HSD11B1: variants seen among roughly 807,000 people sequenced by gnomAD.
The protein encoded by HSD11B1 is hydroxysteroid 11-beta dehydrogenase 1.
A neutral mutation model predicts 22.1 loss-of-function variants in HSD11B1; 15 were observed. That is an observed-to-expected ratio of 0.68 (90% confidence interval 0.45 to 1.04). The LOEUF is 1.04. HSD11B1 is among the 50% of genes least tolerant of loss of function. HSD11B1 has a pLI of 0.00. For synonymous variants in HSD11B1, 122 were observed against 125.2 expected (o/e 0.97, Z 0.17); for missense variants, 281 against 357.6 (o/e 0.79, Z 1.73).
At position 209,687,184 on chromosome 1, in the gene HSD11B1, A is replaced by G. The variant is rs528737600; in HGVS notation, c.-49+899A>G. Among the ~76,000 whole-genome samples the G allele has an allele frequency of 2.6e-5, 4 of 152,352 alleles. No individual in the cohort carries two copies. The East Asian group carries it at 7.7e-4, about 29-fold the overall frequency. On this transcript the variant is annotated intron_variant, in intron 1 of 6. Transcript: ENST00000261465. Reference sequence around the variant, plus strand: ...CTTCAGAAAACATCTACAGACGACGATGATGTGTTTTCACAACAGTTGGCT... The same window carrying G: ...CTTCAGAAAACATCTACAGACGACGGTGATGTGTTTTCACAACAGTTGGCT...
At position 209,732,512 on chromosome 1, in the gene HSD11B1, A is replaced by G. The variant is rs779737879; in HGVS notation, c.594A>G (p.Arg198=). 6.2e-7 allele frequency: 1 copy of G among 1,614,030 alleles called. No individual in the cohort carries two copies. The highest frequency in any genetic ancestry group is 1.1e-5 in the South Asian group (1 of 91,078). The part of the protein sequence containing the change: ...FALDGFFSSI[R]KEYSVSRVNV... ...TGGATGGGTTCTTCTCCTCCATCAG[A>G]AAGGAATATTCAGTGTCCAGGGTCA... Residue 198 remains arginine, a synonymous_variant, in exon 5 of 6, where the codon AGA becomes AGG. Coordinates refer to ENST00000367027, the MANE Select transcript of HSD11B1 (RefSeq NM_005525.4).
intron 1 of HSD11B1, among the ~76,000 whole-genome samples, chr1:209,686,500 T>C (rs914797582): frequency 1.3e-5 from 2 of 152,190 alleles, no homozygotes; most frequent in African/African-American, 4.8e-5. Flanking sequence ...GGAGGGATGA[T>C]ATGATAAGAT....
At chr1:209,717,400 C>T (rs2076936657) in intron 4 of HSD11B1, among the ~76,000 whole-genome samples, 1 of 152,104 alleles carries the variant, frequency 6.6e-6, no homozygotes, top group African/African-American at 2.4e-5. Context: ...CAAAACATAG[C>T]AGATACTATT....
chr1:209,731,886 T>C (rs1558200926), intron 4 of HSD11B1, among the ~76,000 whole-genome samples: 1 of 152,188 alleles, frequency 6.6e-6, no homozygotes, highest in East Asian at 1.9e-4. Flanking sequence ...TTTGTATTTT[T>C]AGTAGAGATG....
chr1:209,718,709 G>C (rs1177887717), intron 4 of HSD11B1, among the ~76,000 whole-genome samples: 1 of 152,110 alleles, frequency 6.6e-6, no homozygotes, highest in Non-Finnish European at 1.5e-5. Context: ...ATGTGATCCA[G>C]CCATTCTATT....
intron 4 of HSD11B1, among the ~76,000 whole-genome samples, chr1:209,713,470 G>C (rs929535303): frequency 2.6e-5 from 4 of 151,962 alleles, no homozygotes; most frequent in African/African-American, 9.7e-5. Context: ...CCATTGCTTT[G>C]TGCCTCTTTT....
At chr1:209,711,238 A>C (rs1234008219) in intron 4 of HSD11B1, among the ~76,000 whole-genome samples, 1 of 152,144 alleles carries the variant, frequency 6.6e-6, no homozygotes, top group Non-Finnish European at 1.5e-5. Context: ...GGATATACAG[A>C]TGTTAATGTC....
At chr1:209,730,148 G>T (rs901954284) in intron 4 of HSD11B1, among the ~76,000 whole-genome samples, 1 of 152,126 alleles carries the variant, frequency 6.6e-6, no homozygotes, top group African/African-American at 2.4e-5. Flanking sequence ...ACAAGAGAAA[G>T]AAATAAAGGG....
In HSD11B1 at chr1:209,707,205, A is replaced by T. The variant is rs186434053; in HGVS notation, c.517+77A>T. 1.0e-4 allele frequency: 127 copies of T among 1,232,796 alleles called. No individual in the cohort carries two copies. The Admixed American group carries it at 1.6e-3, about 15-fold the overall frequency. 76.4% of individuals were successfully genotyped at this position (1,232,796 alleles called of 1,614,324 possible). A position where few individuals can be genotyped will look rare whatever the true frequency, so the allele number is the denominator to read the frequency against. ...GGGATGATGCCAGGCTCTGAAGTAGACATAAATTTTTATCAGTTTCCATGC... is the reference window on the plus strand; with the variant it reads ...GGGATGATGCCAGGCTCTGAAGTAGTCATAAATTTTTATCAGTTTCCATGC... On this transcript the variant is annotated intron_variant, in intron 4 of 5. Transcript: ENST00000367027.
chr1:209,717,342 A>G lies in HSD11B1; in HGVS notation c.517+10214A>G, dbSNP rs570847535. Among the ~76,000 whole-genome samples the G allele has an allele frequency of 1.0e-3, 154 of 152,342 alleles. 1 individual carries two copies. Among genetic ancestry groups the G allele is most frequent in the African/African-American group, 3.6e-3 (148 of 41,582 alleles). On this transcript the variant is annotated intron_variant, in intron 4 of 5. Coordinates refer to ENST00000367027, the MANE Select transcript of HSD11B1 (RefSeq NM_005525.4). Reference sequence around the variant, plus strand: ...ACTAATCATTAAGAAAATGCAAATTAAAACTACTATGAGATATCATCTTAT... The same window carrying G: ...ACTAATCATTAAGAAAATGCAAATTGAAACTACTATGAGATATCATCTTAT...
Position 209,706,498 on chromosome 1 carries a change from C to T in HSD11B1, c.220-211C>T, listed in dbSNP as rs2076859744. Among the ~76,000 whole-genome samples, 1 of 152,166 alleles carries T rather than the reference C, an allele frequency of 6.6e-6. No individual in the cohort carries two copies. The highest frequency in any genetic ancestry group is 2.4e-5 in the African/African-American group (1 of 41,436). On this transcript the variant is annotated intron_variant, in intron 2 of 5. Coordinates refer to ENST00000367027, the MANE Select transcript of HSD11B1 (RefSeq NM_005525.4). This position sits in a 1 kb window ranked among gnomAD's most constrained non-coding sequence, Gnocchi z 4.0. Reference sequence around the variant, plus strand: ...AACCCCAGCACTGGGATGATTTATCCATTTGAACCCCACCAAGTTCCAGAA... The same window carrying T: ...AACCCCAGCACTGGGATGATTTATCTATTTGAACCCCACCAAGTTCCAGAA...
chr1:209,730,652 T>C (rs1192941064), intron 4 of HSD11B1, among the ~76,000 whole-genome samples: 1 of 152,194 alleles, frequency 6.6e-6, no homozygotes, highest in East Asian at 1.9e-4. Flanking sequence ...TCATTTTCCA[T>C]CTAGAATATT....
At chr1:209,714,727 A>T (rs1473531922) in intron 4 of HSD11B1, among the ~76,000 whole-genome samples, 6 of 152,188 alleles carry the variant, frequency 3.9e-5, no homozygotes, top group Non-Finnish European at 8.8e-5. Flanking sequence ...TTCAATCTAA[A>T]AGCCACTCAT....
chr1:209,734,743 T>G lies in HSD11B1; in HGVS notation c.*222T>G. The G allele has an allele frequency of 4.4e-6, 2 of 459,464 alleles. No individual in the cohort carries two copies. Among genetic ancestry groups the G allele is most frequent in the South Asian group, 5.1e-5 (2 of 39,512 alleles). The allele number at this position is 459,464 out of a possible 1,614,324, so 28.5% of individuals were successfully genotyped here. A position where few individuals can be genotyped will look rare whatever the true frequency, so the allele number is the denominator to read the frequency against. On this transcript the variant is annotated 3_prime_UTR_variant, in exon 6 of 6. Coordinates refer to ENST00000367027, the MANE Select transcript of HSD11B1 (RefSeq NM_005525.4). ...CTGCAGCCAGCAGTTGTAAAATTGT[T>G]AGTAAACATAGGTATAATTACCAGA...
At chr1:209,722,051 G>T (rs2076970234) in intron 4 of HSD11B1, among the ~76,000 whole-genome samples, 2 of 152,150 alleles carry the variant, frequency 1.3e-5, no homozygotes, top group Non-Finnish European at 2.9e-5. Context: ...GGTGATTTAG[G>T]CTAGGCACGG....
At chr1:209,726,089 T>C (rs2076999191) in intron 4 of HSD11B1, among the ~76,000 whole-genome samples, 1 of 152,040 alleles carries the variant, frequency 6.6e-6, no homozygotes, top group South Asian at 2.1e-4. Context: ...AAGACCATCC[T>C]GGCCAACACA....
chr1:209,700,937 A>G (rs1302788493), upstream of HSD11B1, among the ~76,000 whole-genome samples: 4 of 152,180 alleles, frequency 2.6e-5, no homozygotes, highest in Non-Finnish European at 4.4e-5. Flanking sequence ...TCTCTATCTG[A>G]GATTACCTCA....
intron 5 of HSD11B1, among the ~76,000 whole-genome samples, chr1:209,732,784 C>G (rs1419764017): frequency 6.6e-6 from 1 of 150,998 alleles, no homozygotes; most frequent in Non-Finnish European, 1.5e-5. Flanking sequence ...GTGATGTCCC[C>G]CTTCCTGTGT....
intron 1 of HSD11B1, among the ~76,000 whole-genome samples, chr1:209,692,075 TAA>T (rs79594859): frequency 2.6e-4 from 35 of 137,092 alleles, no homozygotes; most frequent in Admixed American, 2.9e-4. Context: ...CTAGTTTATT[TAA>T]AAAAAAAAAA....
Sources: gnomAD v4.1 joint callset for allele counts (sites outside exome capture counted in the v4.1 genomes callset) on GRCh38, gnomAD v4.1.1 for gene constraint, Gnocchi (gnomAD v3.1) non-coding constraint, MANE v1.5 for transcripts, NCBI Gene and HGNC (gene_info 2026-07-23, HGNC 2026-07-21) for gene names.